The following GP2 variants were observed in gnomAD, a reference collection of about 807,000 sequenced individuals.
GP2 encodes the protein glycoprotein 2.
Under a neutral mutation model 60.8 loss-of-function variants are expected in GP2, and 58 were observed. The observed-to-expected ratio is 0.95, with a 90% CI of 0.77 to 1.19. The LOEUF (loss-of-function observed/expected upper bound fraction) is 1.19, where lower values mean the gene tolerates loss of function less well. GP2 is among the 50% of genes most tolerant of loss of function. GP2 has a pLI of 0.00. For missense variants in GP2, 647 were observed against 667.4 expected, an observed-to-expected ratio of 0.97 and a Z score of 0.34; for synonymous variants, 280 against 253.4, an observed-to-expected ratio of 1.10 and a Z score of -1.00.
Position 20,324,190 on chromosome 16 carries a change from G to T in GP2, c.161C>A (p.Pro54Gln). 1.9e-6 allele frequency: 3 copies of T among 1,613,818 alleles called. No individual in the cohort carries two copies. Among genetic ancestry groups the T allele is most frequent in the Non-Finnish European group, 2.5e-6 (3 of 1,179,694 alleles). ...GGGGTCAAAACAGACATGAGCCTCT[G>T]GGGTGCCAGGAGCTCCGCAGTCCAG... ...LDLDCGAPGT[P>Q]EAHVCFDPCQ... Residue 54 changes from proline (P) to glutamine (Q), a missense_variant, in exon 3 of 11, where the codon CCA (proline) becomes CAA (glutamine). By Grantham distance (76) the Pro-to-Gln change is moderately conservative. Coordinates refer to ENST00000302555, the MANE Select transcript of GP2 (RefSeq NM_001502.4).
rs923628535 is a variant in GP2 at position 20,311,186 on chromosome 16, G to A, written c.*37C>T. The A allele has an allele frequency of 1.4e-6, 2 of 1,394,522 alleles. No individual in the cohort carries two copies. The highest frequency in any genetic ancestry group is 2.0e-6 in the Non-Finnish European group (2 of 979,498). The allele number at this position is 1,394,522 out of a possible 1,614,324, so 86.4% of individuals were successfully genotyped here. On this transcript the variant is annotated 3_prime_UTR_variant, in exon 11 of 11. Transcript: ENST00000302555. ...TGAAGGGAGCCATTGCCAGAGGGAA[G>A]AACACAAACTTCAAGGCCAGATGCT...
rs562090642 is a variant in GP2 at position 20,322,406 on chromosome 16, G to A, written c.646+463C>T. 4.6e-5 allele frequency among the ~76,000 whole-genome samples: 7 copies of A among 152,172 alleles called. No homozygotes were observed. The East Asian group carries it at 9.6e-4, about 21-fold the overall frequency. On this transcript the variant is annotated intron_variant, in intron 4 of 10. Transcript: ENST00000302555. ...CCTCCTGAGCCTGCCCAATTGGACT[G>A]CTCTGATTTAGTTCTCACAATAGCC...
Position 20,310,910 on chromosome 16 carries a change from C to A in GP2, c.*313G>T, listed in dbSNP as rs893666368. On this transcript the variant is annotated 3_prime_UTR_variant, in exon 11 of 11. Transcript: ENST00000302555. ...TAGCTGGGATTACAGGCGCCTGCCA[C>A]CATGCCTGGCTAATTTTTGTATTTT... 12 of 225,544 alleles carry A rather than the reference C, an allele frequency of 5.3e-5. No homozygotes were observed. Among genetic ancestry groups the A allele is most frequent in the Non-Finnish European group, 8.9e-5 (10 of 112,034 alleles). 14.0% of individuals were successfully genotyped at this position (225,544 alleles called of 1,614,324 possible). A position where few individuals can be genotyped will look rare whatever the true frequency, so the allele number is the denominator to read the frequency against.
intron 3 of GP2, 72 bp from the exon 4 acceptor site, chr16:20,323,051 C>T (rs190555989): frequency 7.6e-6 from 6 of 790,272 alleles, no homozygotes; most frequent in Non-Finnish European, 1.3e-5. Context: ...CAAGTCCAAC[C>T]CTTTCATTTC....
chr16:20,316,582 A>T (rs973951209), intron 8 of GP2, among the ~76,000 whole-genome samples: 2 of 152,214 alleles, frequency 1.3e-5, no homozygotes, highest in Non-Finnish European at 2.9e-5. Context: ...AAATGTATGC[A>T]GAAGTTTTAG....
chr16:20,325,962 G>T (rs534175665), intron 2 of GP2, among the ~76,000 whole-genome samples: 1 of 152,110 alleles, frequency 6.6e-6, no homozygotes, highest in African/African-American at 2.4e-5. Flanking sequence ...TATCTGAATT[G>T]CCCACTTCAT....
intron 10 of GP2, among the ~76,000 whole-genome samples, chr16:20,312,995 T>C (rs956146127): frequency 2.0e-4 from 30 of 152,152 alleles, no homozygotes; most frequent in Admixed American, 6.5e-5. Context: ...TCAATGAGCG[T>C]GACTTTTCTT....
At chr16:20,325,366 T>C (rs1208955544) in intron 2 of GP2, among the ~76,000 whole-genome samples, 1 of 152,254 alleles carries the variant, frequency 6.6e-6, no homozygotes, top group Non-Finnish European at 1.5e-5. Flanking sequence ...ATTAGTTTCA[T>C]CTTAAAGAAT....
At chr16:20,323,722 C>G in intron 3 of GP2, 94 bp downstream of exon 3, 1 of 812,392 alleles carries the variant, frequency 1.2e-6, no homozygotes, top group South Asian at 1.8e-5. Context: ...TGCATCCTCT[C>G]CTGTCTCCTC....
At chr16:20,318,048 CA>C (rs1402710560) in intron 7 of GP2, 136 bp downstream of exon 7, 6 of 719,436 alleles carry the variant, frequency 8.3e-6, no homozygotes, top group Non-Finnish European at 1.2e-5. Context: ...GCTAAAATCT[CA>C]GGAGTGATAT....
At chr16:20,318,083 T>C (rs1964240445) in intron 7 of GP2, 102 bp downstream of exon 7, 1 of 906,964 alleles carries the variant, frequency 1.1e-6, no homozygotes, top group African/African-American at 1.6e-5. Context: ...ATTGTGGTTA[T>C]GATATGTAGT....
chr16:20,324,228 C>T lies in GP2; in HGVS notation c.123G>A (p.Ser41=), dbSNP rs753747248. Residue 41 remains serine, a synonymous_variant, in exon 3 of 11, where the codon TCG becomes TCA. Coordinates refer to ENST00000302555, the MANE Select transcript of GP2 (RefSeq NM_001502.4). ...CTCCGCAGTCCAGGTCCAGCCCATA[C>T]GAACTGGCTTCAATGGGGTTTCCAT... ...RGYGNPIEAS[S]YGLDLDCGAP... The T allele has an allele frequency of 3.2e-5, 52 of 1,605,136 alleles. 1 individual carries two copies. Among genetic ancestry groups the T allele is most frequent in the Middle Eastern group, 1.7e-4 (1 of 6,024 alleles).
Position 20,322,942 on chromosome 16 carries a change from G to T in GP2, c.573C>A (p.Cys191Ter). Residue 191 changes from cysteine to a stop codon, truncating the protein, a stop_gained, in exon 4 of 11, where the codon TGC becomes TGA. Coordinates refer to ENST00000302555, the MANE Select transcript of GP2 (RefSeq NM_001502.4). LOFTEE classifies it high-confidence loss of function. ...GGGCAAGGCACTCCTCCTCGGGGCG[G>T]CAGGCCTTCTCACACTTGTCCTCCA... ...STVEDKCEKA[C>*]RPEEECLALN... 6.2e-7 allele frequency: 1 copy of T among 1,612,174 alleles called. No individual in the cohort carries two copies. The highest frequency in any genetic ancestry group is 8.5e-7 in the Non-Finnish European group (1 of 1,178,306).
At chr16:20,312,406 T>C (rs1964016466) in intron 10 of GP2, among the ~76,000 whole-genome samples, 1 of 152,230 alleles carries the variant, frequency 6.6e-6, no homozygotes, top group Non-Finnish European at 1.5e-5. Flanking sequence ...TGATGTTCAA[T>C]TAATTCTAAA....
chr16:20,314,520 G>A, intron 10 of GP2, 137 bp downstream of exon 10: 1 of 724,548 alleles, frequency 1.4e-6, no homozygotes, highest in Non-Finnish European at 2.5e-6. Flanking sequence ...ACTATACTGT[G>A]GGCATCTCAA....
chr16:20,312,451 A>G (rs1301090469), intron 10 of GP2, among the ~76,000 whole-genome samples: 1 of 152,180 alleles, frequency 6.6e-6, no homozygotes, highest in East Asian at 1.9e-4. Flanking sequence ...GACAATGAAA[A>G]CCACAAGTGC....
intron 3 of GP2, 61 bp downstream of exon 3, chr16:20,323,755 C>T: frequency 8.9e-7 from 1 of 1,126,456 alleles, no homozygotes; most frequent in Non-Finnish European, 1.3e-6. Context: ...ACTCACTCTA[C>T]TGAGCCTGGG....
chr16:20,316,342 T>C (rs1377160686), intron 8 of GP2, among the ~76,000 whole-genome samples: 1 of 152,244 alleles, frequency 6.6e-6, no homozygotes, highest in African/African-American at 2.4e-5. Context: ...AAATGAGATG[T>C]GTCTGCAACA....
chr16:20,320,196 C>A, intron 5 of GP2, 66 bp downstream of exon 5: 2 of 1,171,778 alleles, frequency 1.7e-6, no homozygotes, highest in South Asian at 1.2e-5. Context: ...GATCTCAGAG[C>A]TACTATGATA....
Sources: allele counts gnomAD v4.1 joint callset (sites outside exome capture counted in the v4.1 genomes callset), GRCh38; gene constraint gnomAD v4.1.1; transcripts MANE v1.5; gene names NCBI Gene and HGNC (gene_info 2026-07-23, HGNC 2026-07-21).